Variants in TTC6 observed in about 807,000 individuals in gnomAD.
The protein encoded by TTC6 is tetratricopeptide repeat domain 6.
In TTC6, 172 loss-of-function variants were observed where a neutral mutation model predicts 210.4. That is an observed-to-expected ratio of 0.82 (90% CI 0.72 to 0.93). TTC6 has a LOEUF of 0.93. TTC6 is among the 40% of genes least tolerant of loss of function. TTC6 has a pLI of 0.00. For synonymous variants in TTC6, 804 were observed against 819.6 expected (o/e 0.98, Z 0.32); for missense variants, 2,414 against 2,318.1 (o/e 1.04, Z -0.85).
intron 6 of TTC6, among the ~76,000 whole-genome samples, chr14:37,724,541 C>A (rs2095867908): frequency 6.6e-6 from 1 of 151,974 alleles, no homozygotes; most frequent in African/African-American, 2.4e-5. Flanking sequence ...ATTTCATATG[C>A]TCTGTGAATA....
intron 29 of TTC6, among the ~76,000 whole-genome samples, chr14:37,835,268 G>A (rs898328844): frequency 6.6e-6 from 1 of 152,166 alleles, no homozygotes; most frequent in Non-Finnish European, 1.5e-5. Flanking sequence ...TTTCATTGTA[G>A]AAATACTATT....
At position 37,668,575 on chromosome 14, in the gene TTC6, C is replaced by T. The variant is rs177898; in HGVS notation, c.940-11576C>T. On this transcript the variant is annotated intron_variant, in intron 1 of 30. Transcript: ENST00000553443. ...TCTTGAGTCCTAGGGTAGGAATTGG[C>T]GCATCGTTACTTTTGGCCCATTTTA... 4.6e-3 allele frequency among the ~76,000 whole-genome samples: 630 copies of T among 135,600 alleles called. 15 individuals carry two copies. Among genetic ancestry groups the T allele is most frequent in the African/African-American group, 0.013 (524 of 40,394 alleles). 89.0% of individuals were successfully genotyped at this position (135,600 alleles called of 152,430 possible).
At chr14:37,842,447 A>G (rs1158508199) in exon 31 of TTC6, 1 of 589,560 alleles carries the variant, frequency 1.7e-6, no homozygotes, top group Non-Finnish European at 2.5e-6. Context: ...AATGTTTGTT[A>G]TACATTAATT....
At position 37,724,888 on chromosome 14, in the gene TTC6, AT is replaced by A; in HGVS notation, c.1714-6del. 6.8e-7 allele frequency: 1 copy of A among 1,474,566 alleles called. No homozygotes were observed. Among genetic ancestry groups the A allele is most frequent in the Admixed American group, 2.0e-5 (1 of 49,014 alleles). The allele number at this position is 1,474,566 out of a possible 1,614,324, so 91.3% of individuals were successfully genotyped here. The stretch of plus-strand genomic sequence containing the variant: ...ACCATTTCTAATAACCTTTTATGTT[AT>A]TTTCAAAGATGTATGCTTATCCAGA... On this transcript the variant is annotated splice_polypyrimidine_tract_variant and intron_variant, in intron 6 of 30. Transcript: ENST00000553443.
intron 10 of TTC6, among the ~76,000 whole-genome samples, chr14:37,745,177 A>T (rs568004861): frequency 2.6e-5 from 4 of 152,330 alleles, no homozygotes; most frequent in African/African-American, 9.6e-5. Context: ...TCAGGTCAAC[A>T]GCTGCAAACC....
intron 14 of TTC6, among the ~76,000 whole-genome samples, chr14:37,766,611 T>C (rs1022911687): frequency 1.3e-5 from 2 of 152,172 alleles, no homozygotes; most frequent in African/African-American, 2.4e-5. Flanking sequence ...CAATCTGTCA[T>C]TGATGGGCAT....
At chr14:37,653,596 A>G (rs1442613036) in intron 1 of TTC6, among the ~76,000 whole-genome samples, 2 of 151,912 alleles carry the variant, frequency 1.3e-5, no homozygotes, top group Non-Finnish European at 2.9e-5. Flanking sequence ...GAGAGATGTT[A>G]CTGGACTGTG....
At chr14:37,619,222 C>G (rs2095647406), upstream of TTC6, among the ~76,000 whole-genome samples, 1 of 152,064 alleles carries the variant, frequency 6.6e-6, no homozygotes, top group Non-Finnish European at 1.5e-5. Flanking sequence ...ATTGAATTGT[C>G]CAAGGTCTAG....
chr14:37,671,169 T>G (rs1300726085), intron 1 of TTC6, among the ~76,000 whole-genome samples: 4 of 152,140 alleles, frequency 2.6e-5, no homozygotes. Context: ...CCAGGATGCC[T>G]CAGTCATAAG....
rs903925057 is a variant in TTC6 at position 37,757,270 on chromosome 14, C to T, written c.3266+4035C>T. 1.3e-5 allele frequency among the ~76,000 whole-genome samples: 2 copies of T among 150,690 alleles called. 1 individual carries two copies. Among genetic ancestry groups the T allele is most frequent in the Non-Finnish European group, 3.0e-5 (2 of 67,788 alleles). Reference sequence around the variant, plus strand: ...TTTTAATTAATTAATTAATTAATTACTTTTTCTTGAGATGGAATCTTGCTC... The same window carrying T: ...TTTTAATTAATTAATTAATTAATTATTTTTTCTTGAGATGGAATCTTGCTC... On this transcript the variant is annotated intron_variant, in intron 14 of 30. Transcript: ENST00000553443.
At chr14:37,630,641 T>A (rs1047191698) in intron 1 of TTC6, among the ~76,000 whole-genome samples, 2 of 152,066 alleles carry the variant, frequency 1.3e-5, no homozygotes, top group Non-Finnish European at 2.9e-5. Context: ...TCCTTGGTAA[T>A]TTTTTATGTT....
intron 3 of TTC6, among the ~76,000 whole-genome samples, chr14:37,685,081 TTAGA>T (rs1337305546): frequency 6.6e-6 from 1 of 152,248 alleles, no homozygotes; most frequent in East Asian, 1.9e-4. Flanking sequence ...CAAAAGAAAG[TTAGA>T]TAGAAATAAT....
intron 5 of TTC6, among the ~76,000 whole-genome samples, chr14:37,705,144 G>T (rs998552393): frequency 1.3e-5 from 2 of 152,020 alleles, no homozygotes; most frequent in Non-Finnish European, 2.9e-5. Context: ...CAGCTCCTGC[G>T]CAGTGAGCAA....
intron 19 of TTC6, 120 bp downstream of exon 21, chr14:37,796,490 CTT>C (rs1164872430): frequency 1.9e-6 from 1 of 536,060 alleles, no homozygotes; most frequent in African/African-American, 2.0e-5. Flanking sequence ...GATTTTCAAA[CTT>C]TAGTTTTATA....
At chr14:37,789,039 G>T (rs1483567632) in intron 15 of TTC6, among the ~76,000 whole-genome samples, 2 of 152,058 alleles carry the variant, frequency 1.3e-5, no homozygotes, top group Non-Finnish European at 2.9e-5. Flanking sequence ...ATTATCCAGA[G>T]CAGACAAACT....
chr14:37,633,708 C>T (rs777738324), intron 1 of TTC6, among the ~76,000 whole-genome samples: 30 of 152,318 alleles, frequency 2.0e-4, no homozygotes, highest in African/African-American at 3.8e-4. Context: ...CTTTCAACAT[C>T]GTCCAGAAGT....
chr14:37,679,795 A>G (rs2095779079), intron 1 of TTC6, among the ~76,000 whole-genome samples: 1 of 151,944 alleles, frequency 6.6e-6, no homozygotes, highest in South Asian at 2.1e-4. Flanking sequence ...GGTTCAAGCA[A>G]TTCTCCTGCC....
intron 1 of TTC6, among the ~76,000 whole-genome samples, chr14:37,627,088 G>A (rs1464269530): frequency 6.6e-6 from 1 of 151,982 alleles, no homozygotes; most frequent in Non-Finnish European, 1.5e-5. Context: ...TTAAAAATGT[G>A]TGGCCCCTTC....
exon 31 of TTC6, chr14:37,842,301 C>G (rs1239272877): frequency 6.3e-7 from 1 of 1,588,356 alleles, no homozygotes; most frequent in East Asian, 2.3e-5. Flanking sequence ...ATTACATAGA[C>G]TGTGGTTGCT....
Sources: gnomAD v4.1 joint callset for allele counts (sites outside exome capture counted in the v4.1 genomes callset) on GRCh38, gnomAD v4.1.1 for gene constraint, MANE v1.5 for transcripts, NCBI Gene and HGNC (gene_info 2026-07-23, HGNC 2026-07-21) for gene names.